Variants in ILKAP observed in about 807,000 individuals in gnomAD.
The protein encoded by ILKAP is integrin-linked kinase-associated serine/threonine phosphatase 2C.
ILKAP carries 11 observed loss-of-function variants against 49.1 expected under a neutral mutation model. The ratio of observed to expected loss-of-function variants is 0.22; its 90% confidence interval spans 0.14 to 0.37. The LOEUF is 0.37. Ranked by LOEUF, ILKAP falls within the 10% of genes least tolerant of loss-of-function variation. The pLI is 1.00. For synonymous variants in ILKAP, 186 were observed against 192.8 expected (o/e 0.96, Z 0.29); for missense variants, 363 against 510.8 (o/e 0.71, Z 2.79).
chr2:238,187,996 C>T (rs1429270123), intron 5 of ILKAP, 135 bp downstream of exon 5: 1 of 1,067,584 alleles, frequency 9.4e-7, no homozygotes, highest in Non-Finnish European at 1.3e-6. Context: ...AAAATCAACC[C>T]CAGCTGAGAA....
At chr2:238,200,665 T>C (rs1346743634) in intron 1 of ILKAP, among the ~76,000 whole-genome samples, 1 of 151,988 alleles carries the variant, frequency 6.6e-6, no homozygotes, top group Non-Finnish European at 1.5e-5. Flanking sequence ...CTACAAAACA[T>C]ACAAAAATTA....
intron 9 of ILKAP, among the ~76,000 whole-genome samples, chr2:238,176,936 T>C (rs545294992): frequency 2.0e-5 from 3 of 152,368 alleles, no homozygotes; most frequent in South Asian, 2.1e-4. Context: ...GCTACAGAGA[T>C]AACCAAAGGT....
intron 2 of ILKAP, 127 bp downstream of exon 2, chr2:238,194,678 A>G: frequency 1.0e-6 from 1 of 965,088 alleles, no homozygotes; most frequent in Non-Finnish European, 1.6e-6. Context: ...TTCAAAACTT[A>G]AAGACAGTCC....
intron 1 of ILKAP, among the ~76,000 whole-genome samples, chr2:238,201,038 G>A (rs1015342025): frequency 2.0e-5 from 3 of 152,194 alleles, no homozygotes; most frequent in Non-Finnish European, 4.4e-5. Context: ...CTTTTCTTGC[G>A]CTCTGGGAAA....
intron 7 of ILKAP, 57 bp from the exon 8 acceptor site, chr2:238,183,797 T>A: frequency 7.7e-7 from 1 of 1,293,162 alleles, no homozygotes; most frequent in Non-Finnish European, 1.1e-6. Context: ...ACTTTGAGAC[T>A]AATTTCCAGA....
chr2:238,197,194 C>A (rs1270946187), intron 1 of ILKAP, among the ~76,000 whole-genome samples: 2 of 152,142 alleles, frequency 1.3e-5, no homozygotes, highest in African/African-American at 4.8e-5. Context: ...AGACTCTGTC[C>A]CCAGCACCCA....
intron 9 of ILKAP, among the ~76,000 whole-genome samples, chr2:238,177,747 C>T (rs969337309): frequency 3.3e-5 from 5 of 152,202 alleles, no homozygotes; most frequent in African/African-American, 7.2e-5. Flanking sequence ...TTGCTTCCCC[C>T]TTTTCCCCAT....
intron 1 of ILKAP, among the ~76,000 whole-genome samples, chr2:238,200,919 T>C (rs1309638583): frequency 6.6e-6 from 1 of 152,244 alleles, no homozygotes; most frequent in Non-Finnish European, 1.5e-5. Context: ...ACAGTAACAG[T>C]GGCAAGTGTC....
At chr2:238,200,235 T>C (rs1226855481) in intron 1 of ILKAP, among the ~76,000 whole-genome samples, 1 of 152,178 alleles carries the variant, frequency 6.6e-6, no homozygotes, top group African/African-American at 2.4e-5. Context: ...ATCTCTCCTT[T>C]AAAAAACTTG....
rs183435220 is a variant in ILKAP at position 238,187,290 on chromosome 2, C to G, written c.425+841G>C. On this transcript the variant is annotated intron_variant, in intron 5 of 11. Transcript: ENST00000254654. ...TCTCGTCCCCTCTACATATGATCAG[C>G]TGCTCTGCAGCAGCCATCACCTCAT... Among the ~76,000 whole-genome samples the G allele has an allele frequency of 2.0e-5, 3 of 152,300 alleles. 1 individual carries two copies. Among genetic ancestry groups the G allele is most frequent in the Admixed American group, 2.0e-4 (3 of 15,298 alleles).
chr2:238,188,468 G>A, intron 4 of ILKAP: 1 of 514,788 alleles, frequency 1.9e-6, no homozygotes. Context: ...AGCTCTAAGA[G>A]GTTGCACAGG....
intron 4 of ILKAP, 46 bp from the exon 5 acceptor site, chr2:238,188,303 C>G (rs972161326): frequency 1.9e-6 from 3 of 1,594,708 alleles, no homozygotes; most frequent in Non-Finnish European, 2.6e-6. Flanking sequence ...TGTGCCCAAC[C>G]CTCTGGAAAC....
intron 9 of ILKAP, among the ~76,000 whole-genome samples, chr2:238,177,264 C>G (rs1693501231): frequency 6.7e-6 from 1 of 148,442 alleles, no homozygotes; most frequent in African/African-American, 2.6e-5. Context: ...TGTCTTTTTA[C>G]TCAATTTAGA....
chr2:238,170,851 A>T, intron 11 of ILKAP, 92 bp downstream of exon 11: 1 of 1,452,044 alleles, frequency 6.9e-7, no homozygotes, highest in Non-Finnish European at 9.7e-7. Context: ...GGGCTGTCCC[A>T]CAATGGGAGG....
intron 3 of ILKAP, among the ~76,000 whole-genome samples, chr2:238,192,431 C>T (rs1426705379): frequency 6.6e-6 from 1 of 150,624 alleles, no homozygotes; most frequent in Non-Finnish European, 1.5e-5. Flanking sequence ...CGGGCAAGGT[C>T]GCTCACACCT....
Position 238,192,087 on chromosome 2 carries a change from C to T in ILKAP, c.179-2115G>A, listed in dbSNP as rs570958574. ...ATTAGCTGGGTGTGGTGGCAGGTGCCTATAGTCCCAGCTACTCGGGAGGCT... is the reference window on the plus strand; with the variant it reads ...ATTAGCTGGGTGTGGTGGCAGGTGCTTATAGTCCCAGCTACTCGGGAGGCT... On this transcript the variant is annotated intron_variant, in intron 3 of 11. Transcript: ENST00000254654. Among the ~76,000 whole-genome samples, 12 of 150,530 alleles carry T rather than the reference C, an allele frequency of 8.0e-5. No homozygotes were observed. The South Asian group carries it at 2.5e-3, about 32-fold the overall frequency.
At chr2:238,194,099 C>G (rs909493713) in intron 3 of ILKAP, among the ~76,000 whole-genome samples, 176 bp downstream of exon 3, 3 of 152,222 alleles carry the variant, frequency 2.0e-5, no homozygotes, top group Non-Finnish European at 4.4e-5. Context: ...GAAAGTGATA[C>G]AGTATTATCT....
chr2:238,190,271 A>G (rs896431521), intron 3 of ILKAP, among the ~76,000 whole-genome samples: 3 of 152,200 alleles, frequency 2.0e-5, no homozygotes, highest in Admixed American at 1.3e-4. Context: ...TGTAGCATAT[A>G]CATGTTTTTA....
At chr2:238,194,688 C>G (rs1016315559) in intron 2 of ILKAP, 117 bp downstream of exon 2, 3 of 1,067,806 alleles carry the variant, frequency 2.8e-6, no homozygotes, top group Non-Finnish European at 4.2e-6. Flanking sequence ...AAAGACAGTC[C>G]AACACCTAAA....
Sources: allele counts gnomAD v4.1 joint callset (sites outside exome capture counted in the v4.1 genomes callset), GRCh38; gene constraint gnomAD v4.1.1; transcripts MANE v1.5; gene names NCBI Gene and HGNC (gene_info 2026-07-23, HGNC 2026-07-21).